IFI27: variants seen among roughly 807,000 people sequenced by gnomAD.
IFI27 encodes interferon alpha inducible protein 27.
IFI27 carries 3 observed loss-of-function variants against 8.9 expected under a neutral mutation model. The ratio of observed to expected loss-of-function variants is 0.34; its 90% CI spans 0.15 to 0.87. The LOEUF (loss-of-function observed/expected upper bound fraction) is 0.87, where lower values mean the gene tolerates loss of function less well. Among genes scored for constraint, IFI27 ranks in the 40% least tolerant of loss-of-function variants. The pLI is 0.51. For synonymous variants in IFI27, 66 were observed against 67.3 expected (o/e 0.98, Z 0.09); for missense variants, 152 against 157.7 (o/e 0.96, Z 0.19).
chr14:94,114,971 C>T lies in IFI27; in HGVS notation c.121+91C>T, dbSNP rs999362204. The T allele has an allele frequency of 1.9e-5, 23 of 1,209,934 alleles. No individual in the cohort carries two copies. In the Admixed American group the frequency reaches 3.2e-4, roughly 17 times the overall value. 74.9% of individuals were successfully genotyped at this position (1,209,934 alleles called of 1,614,324 possible). ...TGGCCTTGTCCATGCCAATGTTTCC[C>T]TCACATGGGTGGTCAGGGGAGGAGG... On this transcript the variant is annotated intron_variant, in intron 3 of 4. Transcript: ENST00000621160.
chr14:94,116,567 G>A lies in IFI27; in HGVS notation c.*40G>A, dbSNP rs1450219387. ...CCCTGCAGAGAAGAGAACCATGCCA[G>A]GGGAGAAGGCACCCAGCCATCCTGA... On this transcript the variant is annotated 3_prime_UTR_variant, in exon 5 of 5. Transcript: ENST00000621160. The surrounding 1 kb of genome is among the most constrained non-coding windows in gnomAD (Gnocchi z 4.3). The A allele has an allele frequency of 6.6e-7, 1 of 1,521,232 alleles. No individual in the cohort carries two copies. 94.2% of individuals were successfully genotyped at this position (1,521,232 alleles called of 1,614,324 possible). A position where few individuals can be genotyped will look rare whatever the true frequency, so the allele number is the denominator to read the frequency against.
At chr14:94,115,843 G>T in exon 4 of IFI27, 2 of 1,601,744 alleles carry the variant, frequency 1.2e-6, no homozygotes, top group Non-Finnish European at 1.7e-6. Flanking sequence ...GGCGGGAATC[G>T]CCTCGTCCTC....
chr14:94,107,406 T>C (rs1887030661), upstream of IFI27, among the ~76,000 whole-genome samples: 4 of 152,204 alleles, frequency 2.6e-5, no homozygotes, highest in African/African-American at 9.7e-5. Context: ...CGATTTTTTG[T>C]TGTTGAGTTG....
At chr14:94,115,016 A>G in intron 3 of IFI27, 136 bp downstream of exon 3, 2 of 782,294 alleles carry the variant, frequency 2.6e-6, no homozygotes, top group Admixed American at 2.0e-5. Context: ...GGGGCTAAGT[A>G]TGAACCAAGG....
chr14:94,116,600 A>G lies in IFI27; in HGVS notation c.*73A>G, dbSNP rs890117940. Reference sequence around the variant, plus strand: ...GGCACCCAGCCATCCTGACCCAGCGAGGAGCCAACTATCCCAAATATACCT... The same window carrying G: ...GGCACCCAGCCATCCTGACCCAGCGGGGAGCCAACTATCCCAAATATACCT... On this transcript the variant is annotated 3_prime_UTR_variant, in exon 5 of 5. Coordinates refer to ENST00000621160, the Ensembl canonical transcript of IFI27. This position sits in a 1 kb window ranked among gnomAD's most constrained non-coding sequence, Gnocchi z 4.3. 106 of 1,123,610 alleles carry G rather than the reference A, an allele frequency of 9.4e-5. No individual in the cohort carries two copies. Among genetic ancestry groups the G allele is most frequent in the Non-Finnish European group, 1.2e-4 (91 of 751,802 alleles). The allele number at this position is 1,123,610 out of a possible 1,614,324, so 69.6% of individuals were successfully genotyped here.
chr14:94,115,327 G>C, intron 3 of IFI27: 1 of 519,358 alleles, frequency 1.9e-6, no homozygotes, highest in Non-Finnish European at 3.7e-6. Context: ...GTTGCTTCCA[G>C]TGTGCTCTGT....
chr14:94,110,462 T>G (rs1266348907), upstream of IFI27, among the ~76,000 whole-genome samples: 2 of 152,148 alleles, frequency 1.3e-5, no homozygotes, highest in East Asian at 3.9e-4. Context: ...AACTTTGATC[T>G]TACTTCTTGT....
At chr14:94,115,345 C>T (rs1309777337) in intron 3 of IFI27, 4 of 519,354 alleles carry the variant, frequency 7.7e-6, no homozygotes, top group African/African-American at 5.7e-5. Context: ...TGTGGCAACA[C>T]CACGGAGCCC....
In IFI27 at chr14:94,115,661, T is replaced by C. The variant is rs933507805; in HGVS notation, c.122-120T>C. On this transcript the variant is annotated intron_variant, in intron 3 of 4. Coordinates refer to ENST00000621160, the Ensembl canonical transcript of IFI27. ...GTGCCTATTGGCCGTGCCCATAGTC[T>C]CTCCCAAGCTCAAAGTTCACCTCTT... The C allele has an allele frequency of 2.0e-5, 21 of 1,035,862 alleles. No individual in the cohort carries two copies. The African/African-American group carries it at 2.3e-4, about 11-fold the overall frequency. 64.2% of individuals were successfully genotyped at this position (1,035,862 alleles called of 1,614,324 possible).
intron 2 of IFI27, chr14:94,114,182 CAT>C (rs1191121540): frequency 6.6e-6 from 1 of 152,424 alleles, no homozygotes; most frequent in Non-Finnish European, 1.5e-5. Context: ...GCATTGCTCT[CAT>C]GTGGCATTCA....
upstream of IFI27, among the ~76,000 whole-genome samples, chr14:94,108,143 T>C (rs10145931): frequency 0.17 from 25,195 of 152,148 alleles, 2,486 homozygotes; most frequent in African/African-American, 0.27. Flanking sequence ...CCAGCTTCAT[T>C]CATGTCCCTC....
chr14:94,112,666 T>G (rs1271014533), intron 2 of IFI27, among the ~76,000 whole-genome samples: 1 of 152,274 alleles, frequency 6.6e-6, no homozygotes. Flanking sequence ...AACCTCTGTT[T>G]GAGCCTGCAC....
At chr14:94,108,182 G>T (rs1223400792), upstream of IFI27, among the ~76,000 whole-genome samples, 1 of 152,060 alleles carries the variant, frequency 6.6e-6, no homozygotes, top group Non-Finnish European at 1.5e-5. Flanking sequence ...CTTTTTTTAT[G>T]GCTGCATAGT....
intron 4 of IFI27, 27 bp downstream of exon 4, chr14:94,115,969 G>T (rs1451862036): frequency 6.4e-7 from 1 of 1,553,932 alleles, no homozygotes. Flanking sequence ...GGCTTGCTGG[G>T]GAGGGCGATG....
In IFI27 at chr14:94,115,736, G is replaced by A. The variant is rs773087970; in HGVS notation, c.122-45G>A. The A allele has an allele frequency of 1.0e-5, 16 of 1,575,562 alleles. No homozygotes were observed. In the East Asian group the frequency reaches 3.2e-4, roughly 32 times the overall value. ...AGCCTGACTCAGTGTATCTGGGGGG[G>A]TCCCTTCTGAGCCCACGCACCGACC... On this transcript the variant is annotated intron_variant, in intron 3 of 4. Coordinates refer to ENST00000621160, the Ensembl canonical transcript of IFI27.
chr14:94,115,399 A>T, intron 3 of IFI27: 1 of 539,792 alleles, frequency 1.9e-6, no homozygotes, highest in South Asian at 1.5e-5. Context: ...CTCTTACATA[A>T]TCTCCTGGGC....
chr14:94,107,985 C>T (rs1201524697), upstream of IFI27, among the ~76,000 whole-genome samples: 9 of 152,198 alleles, frequency 5.9e-5, no homozygotes, highest in Non-Finnish European at 1.3e-4. Flanking sequence ...TGCTCTCCCT[C>T]ACCCAGCCCC....
At chr14:94,115,975 C>T (rs1887392184) in intron 4 of IFI27, 33 bp downstream of exon 4, 11 of 1,549,496 alleles carry the variant, frequency 7.1e-6, no homozygotes, top group African/African-American at 1.4e-5. Context: ...CTGGGGAGGG[C>T]GATGAGGAGG....
At chr14:94,109,286 G>A (rs1803417490), upstream of IFI27, among the ~76,000 whole-genome samples, 1 of 122,630 alleles carries the variant, frequency 8.2e-6, no homozygotes, top group Non-Finnish European at 1.6e-5. Context: ...TGGGCAACAA[G>A]AGCAAAACTC....
Sources: allele counts gnomAD v4.1 joint callset (sites outside exome capture counted in the v4.1 genomes callset), GRCh38; gene constraint gnomAD v4.1.1; non-coding constraint Gnocchi (gnomAD v3.1); transcripts MANE v1.5; gene names NCBI Gene and HGNC (gene_info 2026-07-23, HGNC 2026-07-21).